The following ZNF350 variants were observed in gnomAD, a reference collection of about 807,000 sequenced individuals.
ZNF350 encodes the protein KRAB zinc finger protein ZFQR.
ZNF350 carries 5 observed loss-of-function variants against 13.1 expected under a neutral mutation model. The observed-to-expected ratio is 0.38, with a 90% CI of 0.20 to 0.80. The LOEUF (loss-of-function observed/expected upper bound fraction) is 0.80, where lower values mean the gene tolerates loss of function less well. ZNF350 is among the 30% of genes least tolerant of loss of function. The pLI is 0.43. For synonymous variants in ZNF350, 199 were observed against 224.2 expected, an observed-to-expected ratio of 0.89 and a Z score of 1.00; for missense variants, 534 against 644.2, an observed-to-expected ratio of 0.83 and a Z score of 1.85.
intron 4 of ZNF350, chr19:51,967,282 C>T (rs528933739): frequency 8.5e-5 from 13 of 152,114 alleles, no homozygotes; most frequent in African/African-American, 3.1e-4. Flanking sequence ...CACCGTGTGC[C>T]AGGTATGGTG....
In ZNF350 at chr19:51,980,673, T is replaced by C. The variant is rs556336339; in HGVS notation, c.-172+6097A>G. Among the ~76,000 whole-genome samples, 3 of 152,316 alleles carry C rather than the reference T, an allele frequency of 2.0e-5. No individual in the cohort carries two copies. In the South Asian group the frequency reaches 6.2e-4, roughly 32 times the overall value. On this transcript the variant is annotated intron_variant, in intron 1 of 4. Coordinates refer to ENST00000243644, the MANE Select transcript of ZNF350 (RefSeq NM_021632.4). ...ACTCAGAATATAACCAAAGTGAGTA[T>C]CCGTGGGACCTTGTGAAAGCCCATT... is the stretch of plus-strand genomic sequence containing the variant.
intron 2 of ZNF350, among the ~76,000 whole-genome samples, chr19:51,972,293 T>TAA (rs748068937): frequency 0.016 from 1,732 of 106,152 alleles, 48 homozygotes; most frequent in African/African-American, 0.057. Flanking sequence ...CCATCTCAAT[T>TAA]AAAAAAAAAA....
At chr19:51,980,983 A>G (rs923321570) in intron 1 of ZNF350, 3 of 152,222 alleles carry the variant, frequency 2.0e-5, no homozygotes, top group African/African-American at 7.2e-5. Flanking sequence ...GCCCAGCCTT[A>G]CATTCTTTCA....
In ZNF350 at chr19:51,968,681, T is replaced by C. The variant is rs755336655; in HGVS notation, c.143-8A>G. On this transcript the variant is annotated splice_region_variant and splice_polypyrimidine_tract_variant and intron_variant, in intron 3 of 4. Transcript: ENST00000243644. Reference sequence around the variant, plus strand: ...GTTTGCTGGCTTGATACCCTGTTCATGGAAAATGATAGAGGACTTAGACAT... The same window carrying C: ...GTTTGCTGGCTTGATACCCTGTTCACGGAAAATGATAGAGGACTTAGACAT... The C allele has an allele frequency of 1.9e-6, 3 of 1,613,482 alleles. No individual in the cohort carries two copies. The highest frequency in any genetic ancestry group is 2.5e-6 in the Non-Finnish European group (3 of 1,179,428).
chr19:51,969,002 C>T lies in ZNF350; in HGVS notation c.142+3G>A, dbSNP rs761519323. 65 of 1,613,924 alleles carry T rather than the reference C, an allele frequency of 4.0e-5. No homozygotes were observed. Among genetic ancestry groups the T allele is most frequent in the Admixed American group, 8.3e-5 (5 of 59,994 alleles). On this transcript the variant is annotated splice_donor_region_variant and intron_variant, in intron 3 of 4. Coordinates refer to ENST00000243644, the MANE Select transcript of ZNF350 (RefSeq NM_021632.4). ...CTGAGTGACACAGGGCAGCTGTCCT[C>T]ACCCACTGCCACCAGGTTGCTGTAG...
chr19:51,966,644 G>GTTT (rs113694086), intron 4 of ZNF350, among the ~76,000 whole-genome samples: 1 of 145,958 alleles, frequency 6.9e-6, no homozygotes. Flanking sequence ...AGTATTTTTT[G>GTTT]TTGTTTTTTT....
At chr19:51,982,728 T>A (rs1176754703) in intron 1 of ZNF350, among the ~76,000 whole-genome samples, 2 of 152,176 alleles carry the variant, frequency 1.3e-5, no homozygotes, top group African/African-American at 4.8e-5. Flanking sequence ...CCATATCAGT[T>A]ATGAGGACTT....
Position 51,965,567 on chromosome 19 carries a change from C to T in ZNF350, c.886G>A (p.Gly296Arg), listed in dbSNP as rs745416432. 1 of 1,614,196 alleles carries T rather than the reference C, an allele frequency of 6.2e-7. No individual in the cohort carries two copies. Among genetic ancestry groups the T allele is most frequent in the South Asian group, 1.1e-5 (1 of 91,078 alleles). The change falls in exon 5 of 5, where the codon GGA becomes AGA. Residue 296 changes from glycine (G) to arginine (R), a missense_variant. Transcript: ENST00000243644. ...GEKPYICSECGKGFIQKGNLI... is the reference protein window; with the variant it reads ...GEKPYICSECRKGFIQKGNLI... Reference sequence around the variant, plus strand: ...TTTCCTTTCTGGATGAAGCCTTTTCCACATTCACTGCATATATAGGGTTTC... The same window carrying T: ...TTTCCTTTCTGGATGAAGCCTTTTCTACATTCACTGCATATATAGGGTTTC...
intron 1 of ZNF350, chr19:51,984,281 T>C (rs915582318): frequency 6.6e-6 from 1 of 151,790 alleles, no homozygotes; most frequent in Non-Finnish European, 1.5e-5. Flanking sequence ...TAGAATCAAC[T>C]GTCAATTTCA....
intron 4 of ZNF350, 113 bp downstream of exon 4, chr19:51,968,457 TGGGAGACA>T (rs1275328575): frequency 2.3e-6 from 2 of 866,000 alleles, no homozygotes; most frequent in Admixed American, 3.8e-5. Context: ...GGTCTCACAC[TGGGAGACA>T]GATGAGTAGA....
chr19:51,975,779 C>T (rs929077149), intron 1 of ZNF350, among the ~76,000 whole-genome samples: 4 of 152,292 alleles, frequency 2.6e-5, no homozygotes, highest in East Asian at 3.9e-4. Flanking sequence ...CTCACTCTGT[C>T]GCCCAGGCTG....
intron 2 of ZNF350, among the ~76,000 whole-genome samples, chr19:51,969,880 C>T (rs1219275655): frequency 1.3e-5 from 2 of 152,120 alleles, no homozygotes; most frequent in Admixed American, 6.6e-5. Context: ...GTAACCCATG[C>T]ACATCCTCCC....
intron 4 of ZNF350, 188 bp downstream of exon 4, chr19:51,968,388 TAA>T: frequency 3.3e-6 from 2 of 609,834 alleles, no homozygotes; most frequent in South Asian, 3.9e-5. Flanking sequence ...TCTGAGGAGA[TAA>T]AGAGTTTTTG....
intron 1 of ZNF350, among the ~76,000 whole-genome samples, chr19:51,979,985 C>T (rs749978921): frequency 5.3e-5 from 8 of 152,200 alleles, no homozygotes; most frequent in Middle Eastern, 6.3e-3. Flanking sequence ...GCAGCACTCC[C>T]ATTTATGAAT....
intron 1 of ZNF350, among the ~76,000 whole-genome samples, chr19:51,985,375 CAG>C (rs1185263634): frequency 4.6e-5 from 7 of 152,040 alleles, no homozygotes; most frequent in African/African-American, 1.7e-4. Flanking sequence ...CAAAGTAAGA[CAG>C]AAAATTAATG....
In ZNF350 at chr19:51,965,767, G is replaced by T. The variant is rs759685197; in HGVS notation, c.686C>A (p.Thr229Lys). The T allele has an allele frequency of 1.1e-5, 18 of 1,613,934 alleles. 1 individual carries two copies. In the Admixed American group the frequency reaches 3.0e-4, roughly 27 times the overall value. Residue 229 changes from threonine (T) to lysine (K), a missense_variant, in exon 5 of 5, where the codon ACA (threonine) becomes AAA (lysine). Coordinates refer to ENST00000243644, the MANE Select transcript of ZNF350 (RefSeq NM_021632.4). ...SWLTDHQVMH[T>K]GEKPHRCSLC... ...ACTACATCTGTGGGGTTTCTCTCCT[G>T]TATGCATTACCTGGTGATCAGTTAG...
At chr19:51,967,822 G>A (rs867688606) in intron 4 of ZNF350, among the ~76,000 whole-genome samples, 1 of 152,152 alleles carries the variant, frequency 6.6e-6, no homozygotes, top group Non-Finnish European at 1.5e-5. Flanking sequence ...AGGAACAAAC[G>A]AAAATCCAAA....
chr19:51,968,751 C>T (rs2122882724), intron 3 of ZNF350, 78 bp from the exon 4 acceptor site: 1 of 1,494,582 alleles, frequency 6.7e-7, no homozygotes, highest in Non-Finnish European at 9.2e-7. Flanking sequence ...TGTTACATTT[C>T]AAGAAACTTG....
chr19:51,983,053 CCT>C (rs1459114452), intron 1 of ZNF350, among the ~76,000 whole-genome samples: 6 of 152,276 alleles, frequency 3.9e-5, no homozygotes, highest in Admixed American at 1.3e-4. Flanking sequence ...AAGAAAAGTT[CCT>C]CTGTCTTGAG....
Sources: gnomAD v4.1 joint callset for allele counts (sites outside exome capture counted in the v4.1 genomes callset) on GRCh38, gnomAD v4.1.1 for gene constraint, MANE v1.5 for transcripts, NCBI Gene and HGNC (gene_info 2026-07-23, HGNC 2026-07-21) for gene names.